DST: variants seen among roughly 807,000 people sequenced by gnomAD.
DST encodes dystonin.
DST carries 253 observed loss-of-function variants against 875.2 expected under a neutral mutation model. The ratio of observed to expected loss-of-function variants is 0.29; its 90% confidence interval spans 0.26 to 0.32. DST has a LOEUF of 0.32. Among genes scored for constraint, DST ranks in the 10% least tolerant of loss-of-function variants. The probability of loss-of-function intolerance (pLI) is 1.00; values close to 1 mark genes in which losing one functional copy is unlikely to be tolerated. For synonymous variants in DST, 3,124 were observed against 3,197.1 expected (o/e 0.98, Z 0.77); for missense variants, 8,287 against 9,111.6 (o/e 0.91, Z 3.68).
rs542322064 is a variant in DST at position 56,529,021 on chromosome 6, A to C, written c.17596-96T>G. 3 of 809,844 alleles carry C rather than the reference A, an allele frequency of 3.7e-6. No homozygotes were observed. In the South Asian group the frequency reaches 4.6e-5, roughly 13 times the overall value. The allele number at this position is 809,844 out of a possible 1,614,324, so 50.2% of individuals were successfully genotyped here. ...AGAGAACTTTAATTAGATTTCACAG[A>C]GACATATTTGAGTAAATATCTCACA... On this transcript the variant is annotated intron_variant, in intron 66 of 103. Transcript: ENST00000680361.
intron 23 of DST, among the ~76,000 whole-genome samples, chr6:56,635,989 A>G (rs1322060805): frequency 6.6e-6 from 1 of 152,178 alleles, no homozygotes; most frequent in Admixed American, 6.5e-5. Context: ...GGATTTAAAC[A>G]ATTTTTAAGT....
intron 99 of DST, 141 bp from the exon 100 acceptor site, chr6:56,464,897 A>T (rs2094505265): frequency 1.5e-6 from 1 of 650,606 alleles, no homozygotes; most frequent in African/African-American, 1.8e-5. Context: ...TGCATCAGGA[A>T]AAGAAGCACT....
chr6:56,567,489 A>G (rs895767903), intron 55 of DST, among the ~76,000 whole-genome samples: 5 of 151,816 alleles, frequency 3.3e-5, no homozygotes, highest in Admixed American at 2.6e-4. Flanking sequence ...AACACTTGAT[A>G]TTTATGGCAA....
chr6:56,528,767 TC>T, intron 67 of DST, 73 bp downstream of exon 67: 1 of 1,108,330 alleles, frequency 9.0e-7, no homozygotes, highest in Non-Finnish European at 1.3e-6. Context: ...TTTGGTTTTT[TC>T]CCATCCCTAA....
chr6:56,759,376 G>A (rs2099612011), intron 4 of DST, among the ~76,000 whole-genome samples: 1 of 152,054 alleles, frequency 6.6e-6, no homozygotes, highest in African/African-American at 2.4e-5. Context: ...GCTTTAATCG[G>A]GGAGGCAGAG....
rs1477874373 is a variant in DST at position 56,655,652 on chromosome 6, G to A, written c.1215-4408C>T. Among the ~76,000 whole-genome samples, 3 of 152,042 alleles carry A rather than the reference G, an allele frequency of 2.0e-5. No individual in the cohort carries two copies. The East Asian group carries it at 5.8e-4, about 29-fold the overall frequency. The stretch of plus-strand genomic sequence containing the variant: ...TCTTGGGGGTAAGGAGAAGAGCAAA[G>A]CCCATTTCCCAGTACAAAAACAGAA... On this transcript the variant is annotated intron_variant, in intron 10 of 103. Coordinates refer to ENST00000680361, the MANE Select transcript of DST (RefSeq NM_001374736.1).
At chr6:56,512,031 T>C (rs2096487787) in intron 72 of DST, among the ~76,000 whole-genome samples, 1 of 152,160 alleles carries the variant, frequency 6.6e-6, no homozygotes, top group African/African-American at 2.4e-5. Flanking sequence ...TATTACATTT[T>C]ATATTTATGT....
chr6:56,550,282 T>C (rs949188168), intron 61 of DST, among the ~76,000 whole-genome samples: 1 of 152,136 alleles, frequency 6.6e-6, no homozygotes, highest in Non-Finnish European at 1.5e-5. Flanking sequence ...ACTGAAAGTA[T>C]GCCATGATGT....
intron 4 of DST, among the ~76,000 whole-genome samples, chr6:56,779,885 C>T (rs978117808): frequency 8.4e-6 from 1 of 118,832 alleles, no homozygotes; most frequent in African/African-American, 3.2e-5. Context: ...CTCCCCCCAC[C>T]CCATAACATT....
chr6:56,509,306 C>T (rs575290546), intron 74 of DST, among the ~76,000 whole-genome samples: 1 of 152,206 alleles, frequency 6.6e-6, no homozygotes, highest in South Asian at 2.1e-4. Flanking sequence ...TGTAAGGTAG[C>T]AGAGTCAGTA....
intron 3 of DST, among the ~76,000 whole-genome samples, chr6:56,867,755 C>G (rs1774924238): frequency 6.6e-6 from 1 of 152,102 alleles, no homozygotes; most frequent in Non-Finnish European, 1.5e-5. Context: ...ATCACTTGAA[C>G]CCGGGTGGCA....
chr6:56,510,503 C>A (rs1420619409), intron 73 of DST, among the ~76,000 whole-genome samples: 1 of 152,060 alleles, frequency 6.6e-6, no homozygotes, highest in African/African-American at 2.4e-5. Flanking sequence ...CATGGTTAAA[C>A]ACATAATCAG....
At chr6:56,513,852 G>A (rs1361992721) in intron 72 of DST, among the ~76,000 whole-genome samples, 1 of 152,192 alleles carries the variant, frequency 6.6e-6, no homozygotes, top group Non-Finnish European at 1.5e-5. Flanking sequence ...GCTATCTGGT[G>A]TGACTTGATA....
At chr6:56,649,625 A>G (rs1222250260) in intron 12 of DST, among the ~76,000 whole-genome samples, 1 of 152,208 alleles carries the variant, frequency 6.6e-6, no homozygotes. Context: ...GGGGAGTCCC[A>G]AGTGAGTCAG....
At chr6:56,587,570 G>A (rs2152674285) in intron 49 of DST, among the ~76,000 whole-genome samples, 1 of 152,234 alleles carries the variant, frequency 6.6e-6, no homozygotes, top group East Asian at 1.9e-4. Context: ...ATGCCACAAA[G>A]ATACTCCTCG....
At chr6:56,633,168 T>C in intron 27 of DST, 131 bp from the exon 28 acceptor site, 1 of 758,210 alleles carries the variant, frequency 1.3e-6, no homozygotes. Context: ...TGAAATTAAC[T>C]GTCTTTTTCA....
At chr6:56,654,121 C>T (rs1412848481) in intron 10 of DST, among the ~76,000 whole-genome samples, 3 of 152,036 alleles carry the variant, frequency 2.0e-5, no homozygotes, top group African/African-American at 7.3e-5. Flanking sequence ...TTTATGGAAA[C>T]CTTTCAAAAT....
At chr6:56,939,653 T>G (rs1038115115) in intron 2 of DST, among the ~76,000 whole-genome samples, 2 of 152,176 alleles carry the variant, frequency 1.3e-5, no homozygotes, top group Non-Finnish European at 2.9e-5. Flanking sequence ...ATTTTCACTG[T>G]TTTTGCATTT....
chr6:56,822,300 C>T (rs2099773940), intron 4 of DST, among the ~76,000 whole-genome samples: 1 of 152,152 alleles, frequency 6.6e-6, no homozygotes, highest in African/African-American at 2.4e-5. Flanking sequence ...CTATTACCCT[C>T]AGCTTACTGC....
Sources: gnomAD v4.1 joint callset for allele counts (sites outside exome capture counted in the v4.1 genomes callset) on GRCh38, gnomAD v4.1.1 for gene constraint, MANE v1.5 for transcripts, NCBI Gene and HGNC (gene_info 2026-07-23, HGNC 2026-07-21) for gene names.